The following PDGFC variants were observed in gnomAD, a reference collection of about 807,000 sequenced individuals.
The protein encoded by PDGFC is platelet-derived growth factor C.
PDGFC carries 12 observed loss-of-function variants against 35.5 expected under a neutral mutation model. The observed-to-expected ratio is 0.34, with a 90% confidence interval of 0.22 to 0.55. PDGFC has a LOEUF of 0.55. Among genes scored for constraint, PDGFC ranks in the 20% least tolerant of loss-of-function variants. PDGFC has a pLI of 0.91. For synonymous variants in PDGFC, 159 were observed against 148.8 expected, an observed-to-expected ratio of 1.07 and a Z score of -0.50; for missense variants, 322 against 412.4, an observed-to-expected ratio of 0.78 and a Z score of 1.90.
intron 1 of PDGFC, among the ~76,000 whole-genome samples, chr4:156,961,689 A>C (rs945993595): frequency 6.6e-6 from 1 of 152,164 alleles, no homozygotes; most frequent in Non-Finnish European, 1.5e-5. Flanking sequence ...CACAAACTTG[A>C]GATCTTAAAA....
At chr4:156,803,588 G>C (rs1250382961) in intron 3 of PDGFC, among the ~76,000 whole-genome samples, 1 of 152,106 alleles carries the variant, frequency 6.6e-6, no homozygotes, top group Non-Finnish European at 1.5e-5. Context: ...AAATTCAAAA[G>C]AGTTATTTCA....
intron 2 of PDGFC, chr4:156,841,907 A>C (rs1337628284): frequency 6.6e-6 from 1 of 152,146 alleles, no homozygotes; most frequent in Non-Finnish European, 1.5e-5. Flanking sequence ...CCTTGTATGA[A>C]TCCCTATATG....
intron 2 of PDGFC, among the ~76,000 whole-genome samples, chr4:156,818,452 T>G (rs1481687838): frequency 6.6e-6 from 1 of 151,826 alleles, no homozygotes; most frequent in Non-Finnish European, 1.5e-5. Context: ...ACTTTTCTTT[T>G]GCAGTCACAA....
intron 2 of PDGFC, among the ~76,000 whole-genome samples, chr4:156,848,418 A>C (rs568670776): frequency 6.6e-6 from 1 of 152,080 alleles, no homozygotes; most frequent in African/African-American, 2.4e-5. Context: ...GAAAGTCTCA[A>C]AGTTTTATTG....
intron 3 of PDGFC, 72 bp downstream of exon 3, chr4:156,810,765 G>T: frequency 1.0e-6 from 1 of 961,936 alleles, no homozygotes; most frequent in Non-Finnish European, 1.6e-6. Flanking sequence ...ATTCTCATGT[G>T]TAAGAGGAGA....
chr4:156,961,171 C>T (rs1732334515), intron 1 of PDGFC, among the ~76,000 whole-genome samples: 1 of 152,098 alleles, frequency 6.6e-6, no homozygotes, highest in Admixed American at 6.5e-5. Context: ...CATTTCTAAT[C>T]ACCCTAGACT....
chr4:156,852,079 T>TA (rs1416728110), intron 1 of PDGFC, among the ~76,000 whole-genome samples: 1 of 152,112 alleles, frequency 6.6e-6, no homozygotes, highest in Non-Finnish European at 1.5e-5. Context: ...GTAAAAGCCT[T>TA]AGACTGGACA....
At chr4:156,900,683 AT>A (rs1187616105) in intron 1 of PDGFC, among the ~76,000 whole-genome samples, 1 of 152,088 alleles carries the variant, frequency 6.6e-6, no homozygotes, top group African/African-American at 2.4e-5. Flanking sequence ...TCTACAAAAA[AT>A]ATTTTAAAAA....
chr4:156,875,766 A>T (rs1730101232), intron 1 of PDGFC, among the ~76,000 whole-genome samples: 2 of 152,082 alleles, frequency 1.3e-5, no homozygotes, highest in Admixed American at 6.5e-5. Context: ...AAAAATACAA[A>T]AATTAGTCAG....
At chr4:156,935,511 AACATT>A (rs200848609) in intron 1 of PDGFC, among the ~76,000 whole-genome samples, 1,823 of 152,314 alleles carry the variant, frequency 0.012, 16 homozygotes, top group Middle Eastern at 0.02. Context: ...ACTGCACTAC[AACATT>A]ACAACAGCTA....
intron 1 of PDGFC, among the ~76,000 whole-genome samples, chr4:156,856,587 A>C (rs969712757): frequency 6.6e-6 from 1 of 152,110 alleles, no homozygotes; most frequent in Non-Finnish European, 1.5e-5. Flanking sequence ...ACCACACTAC[A>C]ATTCCTAGAA....
chr4:156,830,981 T>C (rs1728918472), intron 2 of PDGFC, among the ~76,000 whole-genome samples: 1 of 152,124 alleles, frequency 6.6e-6, no homozygotes, highest in Non-Finnish European at 1.5e-5. Context: ...ATTATATTTT[T>C]TGTATGCCTA....
intron 1 of PDGFC, among the ~76,000 whole-genome samples, chr4:156,929,998 C>T (rs1220824533): frequency 6.6e-6 from 1 of 152,130 alleles, no homozygotes; most frequent in Admixed American, 6.5e-5. Flanking sequence ...AATGGGTTGC[C>T]ATTCAATTCT....
intron 2 of PDGFC, among the ~76,000 whole-genome samples, chr4:156,829,996 T>C (rs1164656924): frequency 6.6e-6 from 1 of 152,054 alleles, no homozygotes; most frequent in African/African-American, 2.4e-5. Context: ...TAGAACCAAA[T>C]AGAAACAGGG....
At chr4:156,908,194 T>C (rs1193831661) in intron 1 of PDGFC, among the ~76,000 whole-genome samples, 3 of 152,086 alleles carry the variant, frequency 2.0e-5, no homozygotes, top group Non-Finnish European at 4.4e-5. Context: ...AGCTTTCCTT[T>C]ATATCTCATT....
intron 2 of PDGFC, among the ~76,000 whole-genome samples, chr4:156,825,529 G>A (rs77118240): frequency 0.021 from 2,978 of 143,004 alleles, 60 homozygotes; most frequent in Admixed American, 0.071. Flanking sequence ...TAGACTTTCT[G>A]ACAGAGCAAC....
chr4:156,879,248 A>G (rs1730186685), intron 1 of PDGFC, among the ~76,000 whole-genome samples: 1 of 152,218 alleles, frequency 6.6e-6, no homozygotes, highest in South Asian at 2.1e-4. Context: ...CTGTTGGTTG[A>G]TGACAGTAAC....
intron 1 of PDGFC, among the ~76,000 whole-genome samples, chr4:156,923,725 C>T (rs1443240): frequency 0.01 from 1,548 of 152,062 alleles, 19 homozygotes; most frequent in Middle Eastern, 0.024. Flanking sequence ...AACAGGTAAA[C>T]TCACACACCA....
At chr4:156,944,958 G>A (rs1244754382) in intron 1 of PDGFC, among the ~76,000 whole-genome samples, 1 of 151,476 alleles carries the variant, frequency 6.6e-6, no homozygotes, top group Non-Finnish European at 1.5e-5. Flanking sequence ...CCCTGTCTGT[G>A]AAGGCCTTCT....
Sources: gnomAD v4.1 joint callset for allele counts (sites outside exome capture counted in the v4.1 genomes callset) on GRCh38, gnomAD v4.1.1 for gene constraint, MANE v1.5 for transcripts, NCBI Gene and HGNC (gene_info 2026-07-23, HGNC 2026-07-21) for gene names.